NEURL4: variants seen among roughly 807,000 people sequenced by gnomAD.
The protein encoded by NEURL4 is neuralized-like protein 4.
NEURL4 carries 45 observed loss-of-function variants against 148.0 expected under a neutral mutation model. The observed-to-expected ratio is 0.30, with a 90% CI of 0.24 to 0.39. The LOEUF is 0.39. NEURL4 is among the 10% of genes least tolerant of loss of function. The pLI is 1.00. For synonymous variants in NEURL4, 854 were observed against 869.0 expected, an observed-to-expected ratio of 0.98 and a Z score of 0.30; for missense variants, 1,776 against 2,144.0, an observed-to-expected ratio of 0.83 and a Z score of 3.39.
chr17:7,327,385 C>G lies in NEURL4; in HGVS notation c.727+55G>C. On this transcript the variant is annotated intron_variant, in intron 2 of 28. Coordinates refer to ENST00000399464, the MANE Select transcript of NEURL4 (RefSeq NM_032442.3). The surrounding 1 kb of genome is among the most constrained non-coding windows in gnomAD (Gnocchi z 6.6). ...CCCACACCCAGCCTGTCTTGTCACT[C>G]TATTTCCCCCATTCCGTCCCCACCC... is the stretch of plus-strand genomic sequence containing the variant. The G allele has an allele frequency of 6.8e-7, 1 of 1,479,828 alleles. No homozygotes were observed. The highest frequency in any genetic ancestry group is 9.1e-7 in the Non-Finnish European group (1 of 1,093,570). The allele number at this position is 1,479,828 out of a possible 1,614,324, so 91.7% of individuals were successfully genotyped here. A position where few individuals can be genotyped will look rare whatever the true frequency, so the allele number is the denominator to read the frequency against.
In NEURL4 at chr17:7,326,282, G is replaced by A. The variant is rs2073102106; in HGVS notation, c.1266C>T (p.Tyr422=). 6.8e-6 allele frequency: 11 copies of A among 1,614,050 alleles called. No individual in the cohort carries two copies. Among genetic ancestry groups the A allele is most frequent in the African/African-American group, 4.0e-5 (3 of 74,946 alleles). The change falls in exon 6 of 29, where the codon TAC becomes TAT. Residue 422 remains tyrosine, a synonymous_variant. Coordinates refer to ENST00000399464, the MANE Select transcript of NEURL4 (RefSeq NM_032442.3). This position sits in a 1 kb window ranked among gnomAD's most constrained non-coding sequence, Gnocchi z 6.0. ...GCAACTCATCCAGACTGAATTCGCA[G>A]TACTCCCGGCGGGTGCCCTTGCCAT... ...LTNGKGTRRE[Y]CEFSLDELQE...
chr17:7,317,603 A>G (rs1299962324), intron 26 of NEURL4, 30 bp from the exon 27 acceptor site: 2 of 1,604,056 alleles, frequency 1.2e-6, no homozygotes, highest in East Asian at 2.2e-5. Context: ...GGCAGATACA[A>G]CGAAGGCCAC....
chr17:7,317,075 G>T, intron 28 of NEURL4, 130 bp downstream of exon 28: 2 of 585,108 alleles, frequency 3.4e-6, no homozygotes, highest in South Asian at 8.7e-5. Context: ...AAAGGGCTGA[G>T]TTGGAGACTG....
rs1381962680 is a variant in NEURL4 at position 7,320,747 on chromosome 17, G to A, written c.3525+12C>T. ...GAGCGAGAGAAGCTGGGGATAGGGA[G>A]GGAGAACCCACCTGCACCAGCAGCT... On this transcript the variant is annotated intron_variant, in intron 21 of 28. Coordinates refer to ENST00000399464, the MANE Select transcript of NEURL4 (RefSeq NM_032442.3). 2 of 1,609,326 alleles carry A rather than the reference G, an allele frequency of 1.2e-6. No homozygotes were observed. Among genetic ancestry groups the A allele is most frequent in the African/African-American group, 2.7e-5 (2 of 74,912 alleles).
chr17:7,326,570 G>T lies in NEURL4; in HGVS notation c.1093-22C>A. On this transcript the variant is annotated intron_variant, in intron 4 of 28. Coordinates refer to ENST00000399464, the MANE Select transcript of NEURL4 (RefSeq NM_032442.3). This position sits in a 1 kb window ranked among gnomAD's most constrained non-coding sequence, Gnocchi z 6.0. ...GGATCTGGCATTGAGGGACAGAAGG[G>T]AGAAGCAGGGAATGTAAATGCAGAA... 6.2e-7 allele frequency: 1 copy of T among 1,611,892 alleles called. No homozygotes were observed. Among genetic ancestry groups the T allele is most frequent in the Non-Finnish European group, 8.5e-7 (1 of 1,178,096 alleles).
At position 7,326,107 on chromosome 17, in the gene NEURL4, A is replaced by G; in HGVS notation, c.1293+148T>C. The G allele has an allele frequency of 1.4e-6, 1 of 725,918 alleles. No homozygotes were observed. The highest frequency in any genetic ancestry group is 2.3e-6 in the Non-Finnish European group (1 of 429,200). The allele number at this position is 725,918 out of a possible 1,614,324, so 45.0% of individuals were successfully genotyped here. On this transcript the variant is annotated intron_variant, in intron 6 of 28. Coordinates refer to ENST00000399464, the MANE Select transcript of NEURL4 (RefSeq NM_032442.3). The surrounding 1 kb of genome is among the most constrained non-coding windows in gnomAD (Gnocchi z 6.0). ...AATCTGAGTGCTGAACTCTTGGGCAACTCAGGCTTCTAGGAAGGAACCTTT... is the reference window on the plus strand; with the variant it reads ...AATCTGAGTGCTGAACTCTTGGGCAGCTCAGGCTTCTAGGAAGGAACCTTT...
At chr17:7,317,148 T>C in intron 28 of NEURL4, 57 bp downstream of exon 28, 2 of 1,326,100 alleles carry the variant, frequency 1.5e-6, no homozygotes, top group South Asian at 3.6e-5. Context: ...GTGGCTGCGC[T>C]TGGGCCCTCT....
In NEURL4 at chr17:7,327,012, A is replaced by G. The variant is rs771741107; in HGVS notation, c.794-3T>C. 6.2e-7 allele frequency: 1 copy of G among 1,609,606 alleles called. No individual in the cohort carries two copies. The highest frequency in any genetic ancestry group is 1.1e-5 in the South Asian group (1 of 91,076). On this transcript the variant is annotated splice_polypyrimidine_tract_variant and splice_region_variant and intron_variant, in intron 3 of 28. Coordinates refer to ENST00000399464, the MANE Select transcript of NEURL4 (RefSeq NM_032442.3). The surrounding 1 kb of genome is among the most constrained non-coding windows in gnomAD (Gnocchi z 6.6). ...AGACAGCTCCATGTTGGCAAAGTCT[A>G]TAGCAGCAGGATGGAAGAAGGAAGC...
At position 7,327,963 on chromosome 17, in the gene NEURL4, G is replaced by T; in HGVS notation, c.283-79C>A. The T allele has an allele frequency of 8.7e-7, 1 of 1,154,924 alleles. No homozygotes were observed. Among genetic ancestry groups the T allele is most frequent in the Non-Finnish European group, 1.2e-6 (1 of 830,392 alleles). 71.5% of individuals were successfully genotyped at this position (1,154,924 alleles called of 1,614,324 possible). On this transcript the variant is annotated intron_variant, in intron 1 of 28. Transcript: ENST00000399464. The surrounding 1 kb of genome is among the most constrained non-coding windows in gnomAD (Gnocchi z 6.6). ...GGCCACCATATCTTCCCACCTCTCAGACAGCTAGCTGGCTTTCTGTCTCTT... is the reference window on the plus strand; with the variant it reads ...GGCCACCATATCTTCCCACCTCTCATACAGCTAGCTGGCTTTCTGTCTCTT...
In NEURL4 at chr17:7,318,661, A is replaced by C. The variant is rs1052575933; in HGVS notation, c.3698T>G (p.Phe1233Cys). ...FHNGLKICEKFGPNLDTCPEG... is the reference protein window; with the variant it reads ...FHNGLKICEKCGPNLDTCPEG... ...AGGGCACGTGTCCAGATTGGGCCCA[A>C]ACTTCTCGCAGATCTGGGAGGAGAG... The change falls in exon 23 of 29, where the codon TTT (phenylalanine) becomes TGT (cysteine). Residue 1233 changes from phenylalanine to cysteine, a missense_variant. Phe to Cys is a radical substitution (Grantham distance 205). Transcript: ENST00000399464. The surrounding 1 kb of genome is among the most constrained non-coding windows in gnomAD (Gnocchi z 4.3). 1.6e-5 allele frequency: 25 copies of C among 1,608,860 alleles called. No homozygotes were observed. Among genetic ancestry groups the C allele is most frequent in the Non-Finnish European group, 1.9e-5 (22 of 1,177,370 alleles).
In NEURL4 at chr17:7,317,452, C is replaced by T. The variant is rs756507399; in HGVS notation, c.4318+9G>A. 13 of 1,613,940 alleles carry T rather than the reference C, an allele frequency of 8.1e-6. No individual in the cohort carries two copies. The highest frequency in any genetic ancestry group is 5.0e-5 in the Admixed American group (3 of 60,000). ...TCAGCCCACCTTGCATGGGCCTACT[C>T]GCCAGTACCTGCTCCCAGCTCCCCT... is the stretch of plus-strand genomic sequence containing the variant. On this transcript the variant is annotated intron_variant, in intron 27 of 28. Coordinates refer to ENST00000399464, the MANE Select transcript of NEURL4 (RefSeq NM_032442.3).
chr17:7,321,835 C>T lies in NEURL4; in HGVS notation c.2871+30G>A, dbSNP rs2073038347. 6.2e-7 allele frequency: 1 copy of T among 1,611,082 alleles called. No individual in the cohort carries two copies. Among genetic ancestry groups the T allele is most frequent in the African/African-American group, 1.3e-5 (1 of 74,884 alleles). On this transcript the variant is annotated intron_variant, in intron 17 of 28. Transcript: ENST00000399464. This position sits in a 1 kb window ranked among gnomAD's most constrained non-coding sequence, Gnocchi z 6.3. ...GCTGGCCCTGTCGTGATGGGCCTCG[C>T]AGCCCCTCTGTCACATCACTACGGC...
In NEURL4 at chr17:7,321,019, C is replaced by T. The variant is rs2073025268; in HGVS notation, c.3360+93G>A. The T allele has an allele frequency of 1.3e-6, 2 of 1,591,300 alleles. No homozygotes were observed. Among genetic ancestry groups the T allele is most frequent in the Non-Finnish European group, 1.7e-6 (2 of 1,165,824 alleles). ...CACAGATCCTGAGTGTGAGCCTCCACCCAACGATCAGAGAACCCAGAAAAG... is the reference window on the plus strand; with the variant it reads ...CACAGATCCTGAGTGTGAGCCTCCATCCAACGATCAGAGAACCCAGAAAAG... On this transcript the variant is annotated intron_variant, in intron 20 of 28. Transcript: ENST00000399464. This position sits in a 1 kb window ranked among gnomAD's most constrained non-coding sequence, Gnocchi z 6.3.
At chr17:7,325,821 G>A in intron 6 of NEURL4, 108 bp from the exon 7 acceptor site, 1 of 887,920 alleles carries the variant, frequency 1.1e-6, no homozygotes, top group South Asian at 1.3e-5. Context: ...AGACCACCCT[G>A]GAGGACAGGT....
rs981707099 is a variant in NEURL4 at position 7,322,333 on chromosome 17, T to G, written c.2726-323A>C. 4.6e-5 allele frequency among the ~76,000 whole-genome samples: 7 copies of G among 152,262 alleles called. No homozygotes were observed. Among genetic ancestry groups the G allele is most frequent in the Admixed American group, 2.0e-4 (3 of 15,294 alleles). On this transcript the variant is annotated intron_variant, in intron 16 of 28. Coordinates refer to ENST00000399464, the MANE Select transcript of NEURL4 (RefSeq NM_032442.3). This position sits in a 1 kb window ranked among gnomAD's most constrained non-coding sequence, Gnocchi z 5.5. The stretch of plus-strand genomic sequence containing the variant: ...CCACCACACCTGCCTACATTTTGTA[T>G]TTTTGGTACAGACGGGGTTTCGCCA...
chr17:7,318,478 C>A lies in NEURL4; in HGVS notation c.3864+17G>T. 6.2e-7 allele frequency: 1 copy of A among 1,600,152 alleles called. No homozygotes were observed. The highest frequency in any genetic ancestry group is 1.7e-4 in the Middle Eastern group (1 of 5,998). ...GACTCTCAGGCACCCCTCCTCCCTG[C>A]CCCCACTGCCACTAACCTGCTCACA... On this transcript the variant is annotated intron_variant, in intron 23 of 28. Coordinates refer to ENST00000399464, the MANE Select transcript of NEURL4 (RefSeq NM_032442.3). The surrounding 1 kb of genome is among the most constrained non-coding windows in gnomAD (Gnocchi z 4.3).
Position 7,318,718 on chromosome 17 carries a change from G to A in NEURL4, c.3685-44C>T, listed in dbSNP as rs73977638. On this transcript the variant is annotated intron_variant, in intron 22 of 28. Transcript: ENST00000399464. This position sits in a 1 kb window ranked among gnomAD's most constrained non-coding sequence, Gnocchi z 4.3. ...TGTCTTCCAGAGGTCAGACTCCACC[G>A]CGGCAGCTGTCCCGCCCTTTGCTCT... is the stretch of plus-strand genomic sequence containing the variant. 1,792 of 1,555,244 alleles carry A rather than the reference G, an allele frequency of 1.2e-3. 15 individuals carry two copies. In the African/African-American group the frequency reaches 0.022, roughly 19 times the overall value.
At chr17:7,317,178 T>C in intron 28 of NEURL4, 27 bp downstream of exon 28, 1 of 1,448,590 alleles carries the variant, frequency 6.9e-7, no homozygotes. Context: ...CCCCTGGAAA[T>C]CTCTCCCCAC....
At position 7,321,475 on chromosome 17, in the gene NEURL4, G is replaced by T; in HGVS notation, c.3100-16C>A. 6.2e-7 allele frequency: 1 copy of T among 1,613,764 alleles called. No individual in the cohort carries two copies. The highest frequency in any genetic ancestry group is 2.2e-5 in the East Asian group (1 of 44,882). On this transcript the variant is annotated splice_polypyrimidine_tract_variant and intron_variant, in intron 18 of 28. Coordinates refer to ENST00000399464, the MANE Select transcript of NEURL4 (RefSeq NM_032442.3). This position sits in a 1 kb window ranked among gnomAD's most constrained non-coding sequence, Gnocchi z 6.3. Reference sequence around the variant, plus strand: ...GGCTCCCCACCTAGGACCGAGGTAGGACAAGGACGGACGATGTTCAGCCCA... The same window carrying T: ...GGCTCCCCACCTAGGACCGAGGTAGTACAAGGACGGACGATGTTCAGCCCA...
Sources: gnomAD v4.1 joint callset for allele counts (sites outside exome capture counted in the v4.1 genomes callset) on GRCh38, gnomAD v4.1.1 for gene constraint, Gnocchi (gnomAD v3.1) non-coding constraint, MANE v1.5 for transcripts, NCBI Gene and HGNC (gene_info 2026-07-23, HGNC 2026-07-21) for gene names.